Variants in PPP1R12A observed in about 807,000 individuals in gnomAD.
The protein encoded by PPP1R12A is protein phosphatase 1 regulatory subunit 12A, also known as myosin binding subunit.
In PPP1R12A, 19 loss-of-function variants were observed where a neutral mutation model predicts 139.6. That is an observed-to-expected ratio of 0.14 (90% CI 0.09 to 0.20). The LOEUF is 0.20. PPP1R12A is among the 10% of genes least tolerant of loss of function. The pLI, the probability that PPP1R12A is intolerant of heterozygous loss-of-function variation, is 1.00. For missense variants in PPP1R12A, 925 were observed against 1,211.5 expected (o/e 0.76, Z 3.51); for synonymous variants, 427 against 420.6 (o/e 1.02, Z -0.19).
intron 1 of PPP1R12A, among the ~76,000 whole-genome samples, chr12:79,904,215 CAA>C (rs937334050): frequency 7.5e-6 from 1 of 133,112 alleles, no homozygotes; most frequent in African/African-American, 2.8e-5. Flanking sequence ...ACTCTGTCTC[CAA>C]AAAAAAAAAG....
intron 4 of PPP1R12A, among the ~76,000 whole-genome samples, chr12:79,830,485 A>G (rs886252340): frequency 4.6e-5 from 7 of 152,198 alleles, no homozygotes; most frequent in African/African-American, 1.2e-4. Flanking sequence ...GTGAGTGGGA[A>G]TATCTGTAAA....
At chr12:79,790,350 G>T in intron 20 of PPP1R12A, 117 bp downstream of exon 20, 1 of 725,738 alleles carries the variant, frequency 1.4e-6, no homozygotes, top group Non-Finnish European at 2.1e-6. Context: ...ATCAAAATTT[G>T]TTTTTTATTA....
chr12:79,814,106 A>G (rs918732614), intron 9 of PPP1R12A, among the ~76,000 whole-genome samples: 16 of 152,174 alleles, frequency 1.1e-4, no homozygotes, highest in African/African-American at 3.9e-4. Flanking sequence ...AAAAAATACT[A>G]ATATGCTAAA....
chr12:79,877,445 G>A (rs1388561565), intron 1 of PPP1R12A, among the ~76,000 whole-genome samples: 7 of 152,138 alleles, frequency 4.6e-5, no homozygotes, highest in Admixed American at 4.6e-4. Context: ...GTAGTTTATA[G>A]AATGCTGAGA....
At chr12:79,802,153 C>A (rs1873263445) in intron 14 of PPP1R12A, among the ~76,000 whole-genome samples, 1 of 152,056 alleles carries the variant, frequency 6.6e-6, no homozygotes, top group African/African-American at 2.4e-5. Flanking sequence ...ACATTCTAAC[C>A]TTCTCTAGGA....
chr12:79,820,568 T>G (rs1051716581), intron 8 of PPP1R12A, among the ~76,000 whole-genome samples: 3 of 152,104 alleles, frequency 2.0e-5, no homozygotes, highest in Non-Finnish European at 4.4e-5. Flanking sequence ...AATGCAGAGG[T>G]GAACAACAGC....
chr12:79,839,997 A>G (rs1011008091), intron 3 of PPP1R12A, among the ~76,000 whole-genome samples: 4 of 152,182 alleles, frequency 2.6e-5, no homozygotes, highest in Non-Finnish European at 5.9e-5. Context: ...ATATAAATTT[A>G]TGCATTCCCA....
At chr12:79,839,823 T>C (rs1172060361) in intron 3 of PPP1R12A, among the ~76,000 whole-genome samples, 1 of 152,234 alleles carries the variant, frequency 6.6e-6, no homozygotes, top group Non-Finnish European at 1.5e-5. Context: ...TATAAGTCAA[T>C]TAAACCTCTT....
intron 1 of PPP1R12A, among the ~76,000 whole-genome samples, chr12:79,877,391 C>T (rs1211131875): frequency 2.0e-5 from 3 of 152,116 alleles, no homozygotes; most frequent in Admixed American, 2.0e-4. Context: ...AGAATCACAG[C>T]TATTTAATGA....
chr12:79,829,367 A>C lies in PPP1R12A; in HGVS notation c.648-903T>G, dbSNP rs1877147608. ...CTACAGGAGGTGGTAGTGACAGCTAATGTATAATCCCCCTTTATTTATTTA... is the reference window on the plus strand; with the variant it reads ...CTACAGGAGGTGGTAGTGACAGCTACTGTATAATCCCCCTTTATTTATTTA... On this transcript the variant is annotated intron_variant, in intron 4 of 24. Coordinates refer to ENST00000450142, the MANE Select transcript of PPP1R12A (RefSeq NM_002480.3). Among the ~76,000 whole-genome samples, 3 of 152,144 alleles carry C rather than the reference A, an allele frequency of 2.0e-5. No individual in the cohort carries two copies. In the South Asian group the frequency reaches 6.2e-4, roughly 31 times the overall value.
At chr12:79,795,338 T>A (rs1021458945) in intron 18 of PPP1R12A, among the ~76,000 whole-genome samples, 1 of 152,102 alleles carries the variant, frequency 6.6e-6, no homozygotes, top group African/African-American at 2.4e-5. Context: ...TCTTAAAAGA[T>A]GTTTTTACAA....
At chr12:79,870,082 AAG>A in intron 2 of PPP1R12A, among the ~76,000 whole-genome samples, 1 of 151,930 alleles carries the variant, frequency 6.6e-6, no homozygotes, top group South Asian at 2.1e-4. Flanking sequence ...TAACTGCTGA[AAG>A]AGGTGTTTTT....
chr12:79,777,944 G>T, intron 24 of PPP1R12A, among the ~76,000 whole-genome samples: 1 of 152,046 alleles, frequency 6.6e-6, no homozygotes. Flanking sequence ...AATTCTGTGG[G>T]TACAATATAC....
At chr12:79,845,761 G>A (rs1297529473) in intron 2 of PPP1R12A, among the ~76,000 whole-genome samples, 3 of 152,036 alleles carry the variant, frequency 2.0e-5, no homozygotes, top group Admixed American at 6.6e-5. Context: ...GCAAGAACCC[G>A]GGAGGTGGAG....
intron 9 of PPP1R12A, among the ~76,000 whole-genome samples, chr12:79,811,860 A>G (rs1365111800): frequency 1.3e-5 from 2 of 152,238 alleles, no homozygotes; most frequent in Non-Finnish European, 2.9e-5. Flanking sequence ...AACAGAAACA[A>G]AAAAACAAAC....
intron 1 of PPP1R12A, among the ~76,000 whole-genome samples, chr12:79,876,089 A>G (rs182993417): frequency 6.6e-6 from 1 of 152,318 alleles, no homozygotes; most frequent in East Asian, 1.9e-4. Context: ...TAAATAAGAT[A>G]TGACTGTATC....
intron 3 of PPP1R12A, among the ~76,000 whole-genome samples, chr12:79,840,669 A>C (rs985204638): frequency 6.6e-6 from 1 of 152,156 alleles, no homozygotes. Flanking sequence ...TTTTACTTCA[A>C]TATTTCCTCA....
intron 1 of PPP1R12A, among the ~76,000 whole-genome samples, chr12:79,924,472 A>G (rs1414955071): frequency 1.3e-5 from 2 of 152,204 alleles, no homozygotes; most frequent in Non-Finnish European, 2.9e-5. Context: ...TCTGTCGTTC[A>G]GGCTAGAATG....
intron 1 of PPP1R12A, among the ~76,000 whole-genome samples, chr12:79,900,721 G>A (rs140069987): frequency 1.3e-5 from 2 of 152,042 alleles, no homozygotes; most frequent in Non-Finnish European, 1.5e-5. Context: ...AATTTTAAGA[G>A]GAGAAGGCTC....
Sources: gnomAD v4.1 joint callset for allele counts (sites outside exome capture counted in the v4.1 genomes callset) on GRCh38, gnomAD v4.1.1 for gene constraint, MANE v1.5 for transcripts, NCBI Gene and HGNC (gene_info 2026-07-23, HGNC 2026-07-21) for gene names.